The following AGBL4 variants were observed in gnomAD, a reference collection of about 807,000 sequenced individuals.
AGBL4 encodes AGBL carboxypeptidase 4, also known as cytosolic carboxypeptidase 6.
A neutral mutation model predicts 66.4 loss-of-function variants in AGBL4; 58 were observed. The observed-to-expected ratio is 0.87, with a 90% CI of 0.71 to 1.09. AGBL4 has a LOEUF of 1.09. Among genes scored for constraint, AGBL4 ranks in the 50% least tolerant of loss-of-function variants. The pLI is 0.00. For synonymous variants in AGBL4, 234 were observed against 222.9 expected (o/e 1.05, Z -0.44); for missense variants, 579 against 631.0 (o/e 0.92, Z 0.88).
At chr1:49,274,886 T>A (rs1159991806) in intron 3 of AGBL4, among the ~76,000 whole-genome samples, 1 of 152,200 alleles carries the variant, frequency 6.6e-6, no homozygotes, top group Non-Finnish European at 1.5e-5. Flanking sequence ...ATTCCTTTTA[T>A]GTTTTGTTTT....
intron 2 of AGBL4, among the ~76,000 whole-genome samples, chr1:49,834,033 C>T (rs1037734718): frequency 1.3e-5 from 2 of 152,066 alleles, no homozygotes; most frequent in Admixed American, 6.6e-5. Flanking sequence ...GGGATATTGG[C>T]CTGAAATTTT....
chr1:48,670,186 T>C (rs1402497568), intron 6 of AGBL4, among the ~76,000 whole-genome samples: 2 of 152,228 alleles, frequency 1.3e-5, no homozygotes, highest in Non-Finnish European at 2.9e-5. Context: ...CTTGGACATA[T>C]TAAACTGCTC....
intron 3 of AGBL4, among the ~76,000 whole-genome samples, chr1:49,457,287 C>T (rs1022236957): frequency 6.6e-6 from 1 of 151,646 alleles, no homozygotes; most frequent in Non-Finnish European, 1.5e-5. Flanking sequence ...GAGATAGTAT[C>T]GCATTGTGGT....
intron 6 of AGBL4, among the ~76,000 whole-genome samples, chr1:48,799,972 A>G (rs1430858907): frequency 6.6e-6 from 1 of 151,992 alleles, no homozygotes; most frequent in Non-Finnish European, 1.5e-5. Flanking sequence ...TGTTTGTTAT[A>G]TCCTTTCCTG....
intron 11 of AGBL4, among the ~76,000 whole-genome samples, chr1:48,552,779 C>T (rs1010545707): frequency 6.6e-6 from 1 of 152,006 alleles, no homozygotes; most frequent in African/African-American, 2.4e-5. Context: ...AGGATCTTGA[C>T]TGGGAAGGGT....
chr1:49,928,748 A>G (rs566663339), intron 1 of AGBL4, among the ~76,000 whole-genome samples: 1 of 152,294 alleles, frequency 6.6e-6, no homozygotes, highest in East Asian at 1.9e-4. Context: ...CCACTGATAT[A>G]AAGAAAATCC....
intron 3 of AGBL4, among the ~76,000 whole-genome samples, chr1:49,329,407 C>G (rs771327100): frequency 1.3e-4 from 19 of 150,796 alleles, no homozygotes; most frequent in East Asian, 9.9e-4. Flanking sequence ...GGTTCATGCC[C>G]GTAATCCCAG....
intron 3 of AGBL4, among the ~76,000 whole-genome samples, chr1:49,275,235 C>A (rs1644144335): frequency 6.6e-6 from 1 of 152,134 alleles, no homozygotes; most frequent in Non-Finnish European, 1.5e-5. Context: ...GGCCTGATGT[C>A]TTATCTACAT....
chr1:49,358,757 C>A (rs919862975), intron 3 of AGBL4, among the ~76,000 whole-genome samples: 19 of 152,130 alleles, frequency 1.2e-4, no homozygotes, highest in African/African-American at 4.6e-4. Flanking sequence ...ACATAGGAAG[C>A]TTATTGCATA....
chr1:49,448,938 T>C (rs963376170), intron 3 of AGBL4, among the ~76,000 whole-genome samples: 53 of 151,178 alleles, frequency 3.5e-4, no homozygotes, highest in African/African-American at 1.3e-3. Flanking sequence ...GACTGAAGTA[T>C]GTTAATTAAT....
chr1:49,141,933 G>A (rs956298339), intron 4 of AGBL4, among the ~76,000 whole-genome samples: 2 of 152,124 alleles, frequency 1.3e-5, no homozygotes, highest in African/African-American at 4.8e-5. Context: ...CCCAACCTCT[G>A]GGTCATGGAC....
At chr1:48,591,820 A>G (rs1644923392) in intron 9 of AGBL4, among the ~76,000 whole-genome samples, 1 of 152,160 alleles carries the variant, frequency 6.6e-6, no homozygotes, top group African/African-American at 2.4e-5. Flanking sequence ...ACTTACACAT[A>G]TTTAAGGCAC....
chr1:48,944,378 AAT>A (rs1187974142), intron 5 of AGBL4, among the ~76,000 whole-genome samples: 1 of 152,168 alleles, frequency 6.6e-6, no homozygotes, highest in Non-Finnish European at 1.5e-5. Context: ...CTACTTGAAG[AAT>A]TACTATCGCA....
chr1:49,483,659 G>T (rs1162374834), intron 3 of AGBL4, among the ~76,000 whole-genome samples: 1 of 151,808 alleles, frequency 6.6e-6, no homozygotes, highest in Non-Finnish European at 1.5e-5. Flanking sequence ...AAAACACATT[G>T]AGGAACCTCT....
chr1:49,113,513 A>G (rs547534278), intron 4 of AGBL4, among the ~76,000 whole-genome samples: 1 of 152,242 alleles, frequency 6.6e-6, no homozygotes, highest in East Asian at 1.9e-4. Flanking sequence ...TCAGCCTCCC[A>G]AAGAGCTGGG....
rs532944577 is a variant in AGBL4, at chr1:49,767,285, GA to G, written c.158-69849del. On this transcript the variant is annotated intron_variant, in intron 2 of 13. Transcript: ENST00000371839. ...TTTGGGCCACAGTGGAATAAAAATA[GA>G]AATCAATACCAAGACGATCTCTCAG... 1.3e-3 allele frequency among the ~76,000 whole-genome samples: 190 copies of G among 151,826 alleles called. 2 individuals are homozygous for G. The Middle Eastern group carries it at 0.017, about 14-fold the overall frequency.
intron 4 of AGBL4, among the ~76,000 whole-genome samples, chr1:49,195,077 A>G (rs1157564596): frequency 1.3e-5 from 2 of 152,162 alleles, no homozygotes; most frequent in African/African-American, 4.8e-5. Context: ...CCTAGCTTCA[A>G]GTGATCATCC....
intron 3 of AGBL4, among the ~76,000 whole-genome samples, chr1:49,462,588 T>C (rs913144998): frequency 6.6e-6 from 1 of 151,742 alleles, no homozygotes; most frequent in African/African-American, 2.4e-5. Context: ...ATTCAAAAAA[T>C]AGCTTAAAGC....
chr1:49,621,871 G>A (rs1438617808), intron 3 of AGBL4, among the ~76,000 whole-genome samples: 1 of 152,142 alleles, frequency 6.6e-6, no homozygotes, highest in Non-Finnish European at 1.5e-5. Flanking sequence ...GTAATTGACT[G>A]CCAAGAGGAC....
Sources: allele counts gnomAD v4.1 joint callset (sites outside exome capture counted in the v4.1 genomes callset), GRCh38; gene constraint gnomAD v4.1.1; transcripts MANE v1.5; gene names NCBI Gene and HGNC (gene_info 2026-07-23, HGNC 2026-07-21).